COX10: variants seen among roughly 807,000 people sequenced by gnomAD.
COX10 encodes the protein cytochrome c oxidase assembly factor heme A:farnesyltransferase COX10.
Under a neutral mutation model 37.3 loss-of-function variants are expected in COX10, and 27 were observed. The ratio of observed to expected loss-of-function variants is 0.72; its 90% CI spans 0.53 to 1.00. COX10 has a LOEUF of 1.00. Among genes scored for constraint, COX10 ranks in the 50% least tolerant of loss-of-function variants. COX10 has a pLI of 0.00. For synonymous variants in COX10, 222 were observed against 229.1 expected (o/e 0.97, Z 0.28); for missense variants, 475 against 563.2 (o/e 0.84, Z 1.59).
At chr17:14,133,133 AT>A (rs1196736980) in intron 4 of COX10, among the ~76,000 whole-genome samples, 2 of 151,680 alleles carry the variant, frequency 1.3e-5, no homozygotes, top group Non-Finnish European at 3.0e-5. Context: ...ATTCCCTAAA[AT>A]TTCCCTCAAA....
chr17:14,090,232 A>G (rs1915496173), intron 3 of COX10, among the ~76,000 whole-genome samples: 1 of 151,926 alleles, frequency 6.6e-6, no homozygotes, highest in Non-Finnish European at 1.5e-5. Flanking sequence ...CTTAATAATC[A>G]TTTTGGGTTT....
In COX10 at chr17:14,207,246, C is replaced by A. The variant is rs887469940; in HGVS notation, c.*33C>A. On this transcript the variant is annotated 3_prime_UTR_variant, in exon 7 of 7. Transcript: ENST00000261643. Reference sequence around the variant, plus strand: ...GGGACGCCCACCGCCCCTTTCCCTCCGCTGCCAGGCGAGCATGTTGTGGTA... The same window carrying A: ...GGGACGCCCACCGCCCCTTTCCCTCAGCTGCCAGGCGAGCATGTTGTGGTA... The A allele has an allele frequency of 6.5e-7, 1 of 1,530,056 alleles. No individual in the cohort carries two copies. The highest frequency in any genetic ancestry group is 1.8e-4 in the Middle Eastern group (1 of 5,408). The allele number at this position is 1,530,056 out of a possible 1,614,324, so 94.8% of individuals were successfully genotyped here.
chr17:14,143,259 T>C (rs1295093325), intron 4 of COX10, among the ~76,000 whole-genome samples: 1 of 152,240 alleles, frequency 6.6e-6, no homozygotes, highest in Non-Finnish European at 1.5e-5. Context: ...TACTATTTAT[T>C]ATTATTTTAA....
At chr17:14,126,492 T>C (rs911175846) in intron 4 of COX10, among the ~76,000 whole-genome samples, 6 of 152,228 alleles carry the variant, frequency 3.9e-5, no homozygotes, top group Non-Finnish European at 5.9e-5. Flanking sequence ...CTCTTTTCTC[T>C]TTGCAGTGTT....
chr17:14,170,468 C>T (rs576668969), intron 5 of COX10, among the ~76,000 whole-genome samples: 5 of 152,222 alleles, frequency 3.3e-5, no homozygotes, highest in African/African-American at 1.2e-4. Context: ...CATGACAAGT[C>T]ATTTAATTAA....
At chr17:14,143,842 T>C (rs1904622368) in intron 4 of COX10, among the ~76,000 whole-genome samples, 1 of 152,168 alleles carries the variant, frequency 6.6e-6, no homozygotes, top group African/African-American at 2.4e-5. Flanking sequence ...CCTCCTTCCC[T>C]TTCTCTCTGT....
Position 14,207,285 on chromosome 17 carries a change from A to G in COX10, c.*72A>G, listed in dbSNP as rs1307038402. ...CATGTTGTGGTAATTCTGGAACACA[A>G]GAAGAGAAATTGCTGGGTTTAGAAC... is the stretch of plus-strand genomic sequence containing the variant. On this transcript the variant is annotated 3_prime_UTR_variant, in exon 7 of 7. Coordinates refer to ENST00000261643, the MANE Select transcript of COX10 (RefSeq NM_001303.4). 3 of 1,457,114 alleles carry G rather than the reference A, an allele frequency of 2.1e-6. No homozygotes were observed. Among genetic ancestry groups the G allele is most frequent in the Middle Eastern group, 4.6e-4 (2 of 4,364 alleles). 90.3% of individuals were successfully genotyped at this position (1,457,114 alleles called of 1,614,324 possible). A position where few individuals can be genotyped will look rare whatever the true frequency, so the allele number is the denominator to read the frequency against.
intron 2 of COX10, 91 bp from the exon 3 acceptor site, chr17:14,076,644 T>A (rs1427568038): frequency 1.6e-6 from 2 of 1,217,722 alleles, no homozygotes; most frequent in Admixed American, 3.7e-5. Flanking sequence ...TCAAATAATG[T>A]AAAAGCTGGT....
At chr17:14,108,518 G>A (rs1915945789) in intron 4 of COX10, among the ~76,000 whole-genome samples, 1 of 152,066 alleles carries the variant, frequency 6.6e-6, no homozygotes, top group Non-Finnish European at 1.5e-5. Context: ...TGTGACAAGG[G>A]TATGTTATCT....
chr17:14,091,555 A>G (rs540614447), intron 3 of COX10, among the ~76,000 whole-genome samples: 1 of 152,210 alleles, frequency 6.6e-6, no homozygotes, highest in African/African-American at 2.4e-5. Flanking sequence ...ATGATACATT[A>G]ATATATATGT....
intron 2 of COX10, 72 bp downstream of exon 2, chr17:14,074,528 C>T: frequency 7.1e-7 from 1 of 1,402,018 alleles, no homozygotes; most frequent in East Asian, 2.3e-5. Context: ...TCAGAAATTC[C>T]TATTTAATTA....
rs114147810 is a variant in COX10, at chr17:14,200,407, G to A, written c.929-6403G>A. ...TATAAAAATACATAGCATTTTCAAC[G>A]AGTCATCAGGAAGACATTAATGAGC... is the stretch of plus-strand genomic sequence containing the variant. On this transcript the variant is annotated intron_variant, in intron 6 of 6. Transcript: ENST00000261643. Among the ~76,000 whole-genome samples the A allele has an allele frequency of 2.7e-3, 417 of 152,222 alleles. 3 individuals carry two copies. Among genetic ancestry groups the A allele is most frequent in the African/African-American group, 8.4e-3 (351 of 41,546 alleles).
chr17:14,201,324 A>G (rs1265130354), intron 6 of COX10, among the ~76,000 whole-genome samples: 3 of 152,196 alleles, frequency 2.0e-5, no homozygotes, highest in Non-Finnish European at 2.9e-5. Context: ...GAGGCAGTTG[A>G]AGCATATCAA....
At chr17:14,090,275 G>A (rs1915496916) in intron 3 of COX10, among the ~76,000 whole-genome samples, 1 of 151,962 alleles carries the variant, frequency 6.6e-6, no homozygotes. Context: ...TCAAAGCAAA[G>A]CATTGTAGCA....
At chr17:14,197,717 A>G (rs927933660) in intron 6 of COX10, among the ~76,000 whole-genome samples, 1 of 147,854 alleles carries the variant, frequency 6.8e-6, no homozygotes, top group African/African-American at 2.7e-5. Flanking sequence ...TCCCCGTCAC[A>G]GTGCCAACGG....
intron 3 of COX10, among the ~76,000 whole-genome samples, chr17:14,090,991 C>T (rs1318099906): frequency 6.6e-6 from 1 of 152,132 alleles, no homozygotes; most frequent in Non-Finnish European, 1.5e-5. Flanking sequence ...AGCTTGCCAC[C>T]ATTTGTAGAA....
At chr17:14,206,626 C>A (rs1283783772) in intron 6 of COX10, among the ~76,000 whole-genome samples, 184 bp from the exon 7 acceptor site, 2 of 152,110 alleles carry the variant, frequency 1.3e-5, no homozygotes, top group Non-Finnish European at 2.9e-5. Context: ...ATCGGCTGCC[C>A]CACCAGCCTG....
intron 4 of COX10, among the ~76,000 whole-genome samples, chr17:14,157,279 T>C (rs145939375): frequency 0.016 from 2,443 of 152,278 alleles, 36 homozygotes; most frequent in Non-Finnish European, 0.024. Context: ...TAACTGACTT[T>C]TGTATCCCCA....
chr17:14,093,281 GA>G (rs1198149743), intron 3 of COX10, among the ~76,000 whole-genome samples: 1 of 151,892 alleles, frequency 6.6e-6, no homozygotes, highest in African/African-American at 2.4e-5. Context: ...AAAAAATAGT[GA>G]GTCATTAAGA....
Sources: gnomAD v4.1 joint callset for allele counts (sites outside exome capture counted in the v4.1 genomes callset) on GRCh38, gnomAD v4.1.1 for gene constraint, MANE v1.5 for transcripts, NCBI Gene and HGNC (gene_info 2026-07-23, HGNC 2026-07-21) for gene names.